Variants in UNC45A observed in about 807,000 individuals in gnomAD.
UNC45A encodes unc-45 myosin chaperone A.
A neutral mutation model predicts 103.2 loss-of-function variants in UNC45A; 78 were observed. The observed-to-expected ratio is 0.76, with a 90% CI of 0.63 to 0.91. UNC45A has a LOEUF of 0.91. Ranked by LOEUF, UNC45A falls within the 40% of genes least tolerant of loss-of-function variation. The pLI is 0.00. For synonymous variants in UNC45A, 495 were observed against 504.6 expected, an observed-to-expected ratio of 0.98 and a Z score of 0.25; for missense variants, 1,193 against 1,224.8, an observed-to-expected ratio of 0.97 and a Z score of 0.39.
rs1362247049 is a variant in UNC45A, at chr15:90,943,173, A to G, written c.1027+91A>G. Reference sequence around the variant, plus strand: ...AGAAAAGTTGTGAGTGGGGCCAGGCATGGTGGATGACACACTTTGAGAGGC... The same window carrying G: ...AGAAAAGTTGTGAGTGGGGCCAGGCGTGGTGGATGACACACTTTGAGAGGC... On this transcript the variant is annotated intron_variant, in intron 8 of 19. Coordinates refer to ENST00000418476, the MANE Select transcript of UNC45A (RefSeq NM_018671.5). 1.1e-4 allele frequency: 164 copies of G among 1,450,158 alleles called. 2 individuals carry two copies. The highest frequency in any genetic ancestry group is 9.3e-7 in the Non-Finnish European group (1 of 1,079,644). The allele number at this position is 1,450,158 out of a possible 1,614,324, so 89.8% of individuals were successfully genotyped here. A position where few individuals can be genotyped will look rare whatever the true frequency, so the allele number is the denominator to read the frequency against.
rs891457823 is a variant in UNC45A at position 90,935,831 on chromosome 15, A to T, written c.214-115A>T. The T allele has an allele frequency of 7.7e-6, 12 of 1,557,056 alleles. No homozygotes were observed. The Admixed American group carries it at 1.2e-4, about 15-fold the overall frequency. ...TCCCCGCTTGCCAGATGTTTTTTGC[A>T]CCTCAGGGTGGTGGGGGATCGGGTG... On this transcript the variant is annotated intron_variant, in intron 2 of 19. Coordinates refer to ENST00000418476, the MANE Select transcript of UNC45A (RefSeq NM_018671.5).
At chr15:90,947,468 T>C (rs1347615918) in intron 10 of UNC45A, 4 of 365,986 alleles carry the variant, frequency 1.1e-5, no homozygotes, top group Non-Finnish European at 2.1e-5. Context: ...CCCACATGCC[T>C]CTCAACTCCA....
At chr15:90,933,724 T>A (rs2035885171), upstream of UNC45A, 1 of 222,688 alleles carries the variant, frequency 4.5e-6, no homozygotes. Context: ...AGAAACATAT[T>A]TGGCTGTAAA....
intron 10 of UNC45A, 70 bp from the exon 11 acceptor site, chr15:90,947,726 G>A: frequency 1.7e-6 from 2 of 1,181,814 alleles, no homozygotes; most frequent in East Asian, 2.4e-5. Flanking sequence ...GGGAGTCCAA[G>A]CCAGGTGTGG....
At chr15:90,932,567 C>T (rs192468868), upstream of UNC45A, 1,537 of 1,225,122 alleles carry the variant, frequency 1.3e-3, 4 homozygotes, top group Non-Finnish European at 1.2e-3. Context: ...ACGACTGCGG[C>T]CGCAGGGGCA....
upstream of UNC45A, chr15:90,932,061 C>T (rs1464845641): frequency 1.2e-6 from 2 of 1,612,984 alleles, no homozygotes; most frequent in Admixed American, 3.3e-5. Flanking sequence ...TTACCTGTAA[C>T]ACCACAATGT....
At chr15:90,944,681 G>C (rs1464407512) in intron 8 of UNC45A, among the ~76,000 whole-genome samples, 4 of 152,236 alleles carry the variant, frequency 2.6e-5, no homozygotes, top group African/African-American at 9.6e-5. Flanking sequence ...CTGGCATGCA[G>C]GCCTCACTTC....
intron 4 of UNC45A, among the ~76,000 whole-genome samples, chr15:90,936,662 C>T (rs974541926): frequency 2.0e-5 from 3 of 152,172 alleles, no homozygotes; most frequent in East Asian, 1.9e-4. Flanking sequence ...GTACACTTTT[C>T]GAGAAGGAGA....
At position 90,950,060 on chromosome 15, in the gene UNC45A, G is replaced by A. The variant is rs1469885905; in HGVS notation, c.2074-94G>A. ...GGGAGTCAAGCCTGGGGAGAGGGAGGAAGGTGAGGGTGGCACGGTCAGGGC... is the reference window on the plus strand; with the variant it reads ...GGGAGTCAAGCCTGGGGAGAGGGAGAAAGGTGAGGGTGGCACGGTCAGGGC... On this transcript the variant is annotated intron_variant, in intron 15 of 19. Transcript: ENST00000418476. 2.0e-5 allele frequency: 24 copies of A among 1,185,732 alleles called. No homozygotes were observed. In the Admixed American group the frequency reaches 4.4e-4, roughly 22 times the overall value. 73.5% of individuals were successfully genotyped at this position (1,185,732 alleles called of 1,614,324 possible).
In UNC45A at chr15:90,940,301, C is replaced by T. The variant is rs17593423; in HGVS notation, c.520-5C>T. 403,360 of 1,610,480 alleles carry T rather than the reference C, an allele frequency of 0.25. 55,877 individuals are homozygous for T. The highest frequency in any genetic ancestry group is 0.29 in the Non-Finnish European group (336,937 of 1,177,824). ...CAACATTATAATGTGCTTCCTTTGA[C>T]GCAGGCTTCTCAGAACCTGGTGGTG... On this transcript the variant is annotated splice_polypyrimidine_tract_variant and splice_region_variant and intron_variant, in intron 5 of 19. Transcript: ENST00000418476.
Position 90,953,285 on chromosome 15 carries a change from C to T in UNC45A, c.2552C>T (p.Thr851Met), listed in dbSNP as rs762910481. Reference sequence around the variant, plus strand: ...GCCATGCTTACCTCCATGCGGCCCACGCTCTGCAGCCGCATTCCCCAAGTG... The same window carrying T: ...GCCATGCTTACCTCCATGCGGCCCATGCTCTGCAGCCGCATTCCCCAAGTG... ...GLAMLTSMRP[T>M]LCSRIPQVTT... is the part of the protein sequence containing the mutation. The change falls in exon 19 of 20, where the codon ACG becomes ATG. Residue 851 changes from threonine to methionine, a missense_variant. Thr to Met is a moderately conservative substitution (Grantham distance 81). Coordinates refer to ENST00000418476, the MANE Select transcript of UNC45A (RefSeq NM_018671.5). 3.8e-5 allele frequency: 61 copies of T among 1,611,098 alleles called. No homozygotes were observed. In the African/African-American group the frequency reaches 4.4e-4, roughly 12 times the overall value.
In UNC45A at chr15:90,949,367, G is replaced by C. The variant is rs2036762288; in HGVS notation, c.1930G>C (p.Val644Leu). The C allele has an allele frequency of 6.2e-7, 1 of 1,613,576 alleles. No homozygotes were observed. The highest frequency in any genetic ancestry group is 1.7e-5 in the Admixed American group (1 of 60,006). ...GGTGAAGAAGCTGCTGGCAGCGGGTGTGGTGTCGGCCATGGTGTGCATGGT... is the reference window on the plus strand; with the variant it reads ...GGTGAAGAAGCTGCTGGCAGCGGGTCTGGTGTCGGCCATGGTGTGCATGGT... ...ARVKKLLAAG[V>L]VSAMVCMVKT... is the part of the protein sequence containing the mutation. Residue 644 changes from valine to leucine, a missense_variant, in exon 14 of 20, where the codon GTG becomes CTG. By Grantham distance (32) the Val-to-Leu change is conservative. Coordinates refer to ENST00000418476, the MANE Select transcript of UNC45A (RefSeq NM_018671.5).
chr15:90,948,177 G>A lies in UNC45A; in HGVS notation c.1631G>A (p.Arg544Gln), dbSNP rs138844927. The A allele has an allele frequency of 1.9e-5, 30 of 1,614,146 alleles. No homozygotes were observed. Among genetic ancestry groups the A allele is most frequent in the East Asian group, 6.7e-5 (3 of 44,886 alleles). Residue 544 changes from arginine (R) to glutamine (Q), a missense_variant, in exon 12 of 20, where the codon CGG becomes CAG. Coordinates refer to ENST00000418476, the MANE Select transcript of UNC45A (RefSeq NM_018671.5). ...LCNDQIDAGT[R>Q]RWAVEGLAYL... ...AATGACCAGATCGACGCAGGCACTC[G>A]GCGCTGGGCAGTGGAGGGCCTGGCT...
chr15:90,950,100 G>A, intron 15 of UNC45A, 54 bp from the exon 16 acceptor site: 3 of 1,520,642 alleles, frequency 2.0e-6, no homozygotes, highest in Non-Finnish European at 2.7e-6. Context: ...GAGCCCGATG[G>A]TCGGGGTCTT....
In UNC45A at chr15:90,948,197, C is replaced by T; in HGVS notation, c.1651C>T (p.Leu551=). The stretch of plus-strand genomic sequence containing the variant: ...CACTCGGCGCTGGGCAGTGGAGGGC[C>T]TGGCTTACCTGACCTTTGATGCCGA... ...AGTRRWAVEG[L]AYLTFDADVK... Residue 551 remains leucine (L), a synonymous_variant, in exon 12 of 20, where the codon CTG becomes TTG. Coordinates refer to ENST00000418476, the MANE Select transcript of UNC45A (RefSeq NM_018671.5). The T allele has an allele frequency of 6.2e-7, 1 of 1,614,202 alleles. No homozygotes were observed. The highest frequency in any genetic ancestry group is 1.1e-5 in the South Asian group (1 of 91,082).
At chr15:90,937,785 C>T (rs1020555498) in intron 4 of UNC45A, among the ~76,000 whole-genome samples, 2 of 151,778 alleles carry the variant, frequency 1.3e-5, no homozygotes, top group Admixed American at 6.6e-5. Flanking sequence ...TGCACCCAGC[C>T]GAAAATATTT....
intron 15 of UNC45A, 78 bp from the exon 16 acceptor site, chr15:90,950,076 C>T (rs111643218): frequency 3.5e-5 from 48 of 1,381,234 alleles, no homozygotes; most frequent in African/African-American, 4.3e-5. Flanking sequence ...GAGGGTGGCA[C>T]GGTCAGGGCT....
intron 16 of UNC45A, 79 bp downstream of exon 16, chr15:90,950,346 G>A (rs1267444442): frequency 7.3e-6 from 11 of 1,505,864 alleles, no homozygotes; most frequent in African/African-American, 1.4e-5. Flanking sequence ...TCCCCTTTGG[G>A]ACCAGCAGGA....
rs904303152 is a variant in UNC45A at position 90,936,148 on chromosome 15, T to G, written c.251-137T>G. ...TTCCTTTTCTGCAGCTACCCTCACC[T>G]TTTCTGAGGCTGAAGCACCGAGCCC... On this transcript the variant is annotated intron_variant, in intron 3 of 19. Coordinates refer to ENST00000418476, the MANE Select transcript of UNC45A (RefSeq NM_018671.5). The G allele has an allele frequency of 1.1e-5, 16 of 1,500,268 alleles. No homozygotes were observed. In the African/African-American group the frequency reaches 1.5e-4, roughly 14 times the overall value. The allele number at this position is 1,500,268 out of a possible 1,614,324, so 92.9% of individuals were successfully genotyped here.
Sources: gnomAD v4.1 joint callset for allele counts (sites outside exome capture counted in the v4.1 genomes callset) on GRCh38, gnomAD v4.1.1 for gene constraint, MANE v1.5 for transcripts, NCBI Gene and HGNC (gene_info 2026-07-23, HGNC 2026-07-21) for gene names.